The following CHRNA1 variants were observed in gnomAD, a reference collection of about 807,000 sequenced individuals.
CHRNA1 encodes acetylcholine receptor subunit alpha.
A neutral mutation model predicts 47.1 loss-of-function variants in CHRNA1; 35 were observed. The observed-to-expected ratio is 0.74, with a 90% confidence interval of 0.57 to 0.99. The LOEUF (loss-of-function observed/expected upper bound fraction) is 0.99. Among genes scored for constraint, CHRNA1 ranks in the 50% least tolerant of loss-of-function variants. The probability of loss-of-function intolerance (pLI) is 0.00; values close to 1 mark genes in which losing one functional copy is unlikely to be tolerated. For missense variants in CHRNA1, 506 were observed against 591.1 expected, an observed-to-expected ratio of 0.86 and a Z score of 1.49; for synonymous variants, 229 against 223.6, an observed-to-expected ratio of 1.02 and a Z score of -0.22.
At chr2:174,754,882 CTTTT>C (rs34233623) in intron 4 of CHRNA1, among the ~76,000 whole-genome samples, 2 of 120,414 alleles carry the variant, frequency 1.7e-5, no homozygotes, top group Admixed American at 8.4e-5. Context: ...GCCTACTACT[CTTTT>C]TTTTTTTTTT....
intron 6 of CHRNA1, 129 bp downstream of exon 6, chr2:174,753,374 C>T: frequency 1.0e-6 from 1 of 960,884 alleles, no homozygotes; most frequent in Non-Finnish European, 1.7e-6. Context: ...TCAGCAAATG[C>T]ACCCTCCTAA....
chr2:174,748,790 CATG>C lies in CHRNA1; in HGVS notation c.1029_1031del (p.Ile343del). ...ATGGTCTTTTCATTGTGGAGAAAAA[CATG>C]ATATTTGGGATAGTGTCGATAAAAA... On this transcript the variant is annotated inframe_deletion, in exon 8 of 9. Coordinates refer to ENST00000348749, the MANE Select transcript of CHRNA1 (RefSeq NM_000079.4). 2 of 1,613,970 alleles carry C rather than the reference CATG, an allele frequency of 1.2e-6. No homozygotes were observed. Among genetic ancestry groups the C allele is most frequent in the Non-Finnish European group, 1.7e-6 (2 of 1,180,030 alleles).
rs965237108 is a variant in CHRNA1, at chr2:174,747,817, A to G, written c.*307T>C. On this transcript the variant is annotated 3_prime_UTR_variant, in exon 9 of 9. Transcript: ENST00000348749. Reference sequence around the variant, plus strand: ...TAAATATAACAGCAATGACAATGCAACAGAAAACCTCGGTTATCCTGGCAA... The same window carrying G: ...TAAATATAACAGCAATGACAATGCAGCAGAAAACCTCGGTTATCCTGGCAA... 2.5e-5 allele frequency: 9 copies of G among 363,412 alleles called. No homozygotes were observed. Among genetic ancestry groups the G allele is most frequent in the Non-Finnish European group, 4.2e-5 (8 of 189,616 alleles). The allele number at this position is 363,412 out of a possible 1,614,324, so 22.5% of individuals were successfully genotyped here.
chr2:174,756,802 A>T (rs1683987909), intron 4 of CHRNA1, among the ~76,000 whole-genome samples: 1 of 152,166 alleles, frequency 6.6e-6, no homozygotes. Context: ...GCTAGGACAC[A>T]CAGCTTGTGG....
rs538760670 is a variant in CHRNA1 at position 174,758,604 on chromosome 2, A to G, written c.234+727T>C. Among the ~76,000 whole-genome samples the G allele has an allele frequency of 5.3e-5, 8 of 151,034 alleles. No homozygotes were observed. The Admixed American group carries it at 5.3e-4, about 10-fold the overall frequency. On this transcript the variant is annotated intron_variant, in intron 3 of 8. Coordinates refer to ENST00000348749, the MANE Select transcript of CHRNA1 (RefSeq NM_000079.4). The stretch of plus-strand genomic sequence containing the variant: ...TATATGCAAATATTTCAAAATAAAA[A>G]CCAAAATCTGAAACACTTCTGGTCC...
intron 6 of CHRNA1, chr2:174,752,885 C>G (rs1683885262): frequency 6.4e-6 from 1 of 157,020 alleles, no homozygotes; most frequent in Non-Finnish European, 1.4e-5. Context: ...TGCTGGCAGG[C>G]AGATGGGTAC....
intron 6 of CHRNA1, 61 bp downstream of exon 6, chr2:174,753,442 C>G (rs762985657): frequency 6.7e-7 from 1 of 1,490,530 alleles, no homozygotes; most frequent in Non-Finnish European, 9.4e-7. Context: ...TCTGGCTTCC[C>G]CAAAATAGCA....
At chr2:174,759,689 C>T in intron 1 of CHRNA1, 56 bp from the exon 2 acceptor site, 1 of 1,604,466 alleles carries the variant, frequency 6.2e-7, no homozygotes, top group Non-Finnish European at 8.5e-7. Context: ...CCTCCAAACA[C>T]ATGAACATGA....
intron 6 of CHRNA1, among the ~76,000 whole-genome samples, chr2:174,752,047 C>T (rs769711842): frequency 1.3e-5 from 2 of 151,866 alleles, no homozygotes; most frequent in Non-Finnish European, 2.9e-5. Context: ...CATAATGCCC[C>T]GACAGTGTTT....
intron 3 of CHRNA1, among the ~76,000 whole-genome samples, chr2:174,758,175 G>A (rs1409977398): frequency 6.6e-6 from 1 of 152,224 alleles, no homozygotes; most frequent in Non-Finnish European, 1.5e-5. Flanking sequence ...TTGGGAGGCT[G>A]AGGTGGGTGG....
Position 174,748,070 on chromosome 2 carries a change from C to T in CHRNA1, c.*54G>A. ...AAGTAGACAAATCTTCCTCTCCTGC[C>T]CTTCTCTGCTCTGGTAGGTTCCAGG... On this transcript the variant is annotated 3_prime_UTR_variant, in exon 9 of 9. Transcript: ENST00000348749. 6.2e-7 allele frequency: 1 copy of T among 1,610,040 alleles called. No homozygotes were observed. Among genetic ancestry groups the T allele is most frequent in the Non-Finnish European group, 8.5e-7 (1 of 1,177,952 alleles).
At chr2:174,759,928 GTA>G (rs1491297446) in intron 1 of CHRNA1, among the ~76,000 whole-genome samples, 1 of 57,142 alleles carries the variant, frequency 1.8e-5, no homozygotes, top group East Asian at 5.0e-4. Flanking sequence ...AGTTTGCCAG[GTA>G]CACACACACA....
At chr2:174,757,090 T>C (rs2105350256) in intron 4 of CHRNA1, among the ~76,000 whole-genome samples, 1 of 152,138 alleles carries the variant, frequency 6.6e-6, no homozygotes, top group South Asian at 2.1e-4. Flanking sequence ...GTGACAACCC[T>C]AGGAGGCTCA....
At chr2:174,751,702 G>T in intron 6 of CHRNA1, among the ~76,000 whole-genome samples, 1 of 145,902 alleles carries the variant, frequency 6.9e-6, no homozygotes. Flanking sequence ...TTTTTGTGAG[G>T]GAGTCTCACT....
In CHRNA1 at chr2:174,753,471, TCAG is replaced by T. The variant is rs1324986483; in HGVS notation, c.778+29_778+31del. On this transcript the variant is annotated intron_variant, in intron 6 of 8. Coordinates refer to ENST00000348749, the MANE Select transcript of CHRNA1 (RefSeq NM_000079.4). Reference sequence around the variant, plus strand: ...AATAGCAGCACGAGACCCATCAGCGTCAGCAGCAGCAGTCATGGCAACCACACC... The same window carrying T: ...AATAGCAGCACGAGACCCATCAGCGTCAGCAGCAGTCATGGCAACCACACC... 6.9e-6 allele frequency: 11 copies of T among 1,586,658 alleles called. No homozygotes were observed. The Middle Eastern group carries it at 5.0e-4, about 72-fold the overall frequency.
At position 174,759,602 on chromosome 2, in the gene CHRNA1, G is replaced by T; in HGVS notation, c.75C>A (p.Thr25=). The change falls in exon 2 of 9, where the codon ACC becomes ACA. Residue 25 remains threonine, a synonymous_variant. Coordinates refer to ENST00000348749, the MANE Select transcript of CHRNA1 (RefSeq NM_000079.4). ...CTTTAAATAGCTTTGCCACCAGACG[G>T]GTCTCATGTTCGGAGCCCAGGACGA... ...AGLVLGSEHE[T]RLVAKLFKDY... 2 of 1,613,818 alleles carry T rather than the reference G, an allele frequency of 1.2e-6. No individual in the cohort carries two copies. Among genetic ancestry groups the T allele is most frequent in the South Asian group, 1.1e-5 (1 of 91,066 alleles).
At chr2:174,749,868 T>C (rs1683810786) in intron 7 of CHRNA1, 78 bp downstream of exon 7, 3 of 1,296,910 alleles carry the variant, frequency 2.3e-6, no homozygotes, top group Non-Finnish European at 3.3e-6. Context: ...AAGTATTAGC[T>C]AGAAACCCAC....
At chr2:174,749,832 A>G in intron 7 of CHRNA1, 114 bp downstream of exon 7, 1 of 933,714 alleles carries the variant, frequency 1.1e-6, no homozygotes, top group Non-Finnish European at 1.7e-6. Flanking sequence ...TAAAGCCCAA[A>G]GAGAACTTAG....
At chr2:174,762,693 G>A (rs908706783) in intron 1 of CHRNA1, among the ~76,000 whole-genome samples, 1 of 152,222 alleles carries the variant, frequency 6.6e-6, no homozygotes, top group Admixed American at 6.5e-5. Flanking sequence ...GAAAAGTGCT[G>A]TATAAATAGA....
Sources: gnomAD v4.1 joint callset for allele counts (sites outside exome capture counted in the v4.1 genomes callset) on GRCh38, gnomAD v4.1.1 for gene constraint, MANE v1.5 for transcripts, NCBI Gene and HGNC (gene_info 2026-07-23, HGNC 2026-07-21) for gene names.